Variants in THSD4 observed in about 807,000 individuals in gnomAD.
THSD4 encodes the protein thrombospondin type 1 domain containing 4, also known as thrombospondin type-1 domain-containing protein 4.
A neutral mutation model predicts 119.0 loss-of-function variants in THSD4; 69 were observed. That is an observed-to-expected ratio of 0.58 (90% CI 0.48 to 0.71). THSD4 has a LOEUF of 0.71. Ranked by LOEUF, THSD4 falls within the 30% of genes least tolerant of loss-of-function variation. The probability of loss-of-function intolerance (pLI) is 0.00; values close to 1 mark genes in which losing one functional copy is unlikely to be tolerated. For synonymous variants in THSD4, 524 were observed against 540.4 expected, an observed-to-expected ratio of 0.97 and a Z score of 0.42; for missense variants, 1,393 against 1,391.1, an observed-to-expected ratio of 1.00 and a Z score of -0.02.
At position 71,566,565 on chromosome 15, in the gene THSD4, G is replaced by A. The variant is rs1182506665; in HGVS notation, c.1153-93965G>A. Among the ~76,000 whole-genome samples the A allele has an allele frequency of 4.6e-5, 7 of 152,132 alleles. No homozygotes were observed. In the South Asian group the frequency reaches 1.0e-3, roughly 23 times the overall value. On this transcript the variant is annotated intron_variant, in intron 7 of 17. Coordinates refer to ENST00000261862, the MANE Select transcript of THSD4 (RefSeq NM_024817.3). ...ATGTTGAGTGATACCGTGCTGCCCC[G>A]AGAGTTTCTGTGCTGTAGATCCTGG...
chr15:71,285,869 A>G (rs934279516), intron 6 of THSD4, among the ~76,000 whole-genome samples: 2 of 151,170 alleles, frequency 1.3e-5, no homozygotes, highest in African/African-American at 4.8e-5. Context: ...AAAAAAAAAA[A>G]AAAAAAAAAA....
intron 6 of THSD4, among the ~76,000 whole-genome samples, chr15:71,354,658 G>T (rs1040200415): frequency 6.6e-5 from 10 of 152,192 alleles, no homozygotes; most frequent in Admixed American, 2.0e-4. Flanking sequence ...TAGCCCTGCA[G>T]TTGCTAATAA....
intron 6 of THSD4, among the ~76,000 whole-genome samples, chr15:71,310,797 G>A (rs1353505189): frequency 6.6e-6 from 1 of 152,210 alleles, no homozygotes; most frequent in Non-Finnish European, 1.5e-5. Flanking sequence ...ACCCACCTGG[G>A]AGAAGAGGGA....
intron 6 of THSD4, among the ~76,000 whole-genome samples, chr15:71,409,894 T>TTG (rs1555410972): frequency 6.6e-6 from 1 of 152,058 alleles, no homozygotes; most frequent in African/African-American, 2.4e-5. Context: ...CAGTTTTTTT[T>TTG]TTTTTGTTTT....
At chr15:71,425,469 C>T (rs1455352990) in intron 7 of THSD4, among the ~76,000 whole-genome samples, 1 of 152,218 alleles carries the variant, frequency 6.6e-6, no homozygotes, top group Non-Finnish European at 1.5e-5. Flanking sequence ...ATGAACCTCT[C>T]TTTTGACTAA....
At chr15:71,104,711 C>T (rs987159802) in intron 1 of THSD4, among the ~76,000 whole-genome samples, 3 of 151,982 alleles carry the variant, frequency 2.0e-5, no homozygotes, top group Non-Finnish European at 4.4e-5. Flanking sequence ...TGGTTCGGCC[C>T]GAAAAGGTGT....
intron 7 of THSD4, among the ~76,000 whole-genome samples, chr15:71,587,998 G>A (rs569629639): frequency 3.3e-5 from 5 of 151,946 alleles, no homozygotes; most frequent in Non-Finnish European, 7.4e-5. Flanking sequence ...TCATTGTCAA[G>A]AATCTCATTG....
At chr15:71,110,702 C>T, upstream of THSD4, 1 of 171,464 alleles carries the variant, frequency 5.8e-6, no homozygotes, top group Non-Finnish European at 1.3e-5. Flanking sequence ...CCACACAGCC[C>T]TTCTGCTCCT....
intron 8 of THSD4, among the ~76,000 whole-genome samples, chr15:71,705,508 C>G (rs555331055): frequency 1.3e-5 from 2 of 152,264 alleles, no homozygotes; most frequent in South Asian, 4.1e-4. Flanking sequence ...TCCATCATCT[C>G]CTTGCATATC....
At chr15:71,686,637 G>T (rs1051439049) in intron 8 of THSD4, among the ~76,000 whole-genome samples, 9 of 152,172 alleles carry the variant, frequency 5.9e-5, no homozygotes, top group Admixed American at 1.3e-4. Flanking sequence ...AAGAGGAGGA[G>T]TCCCTAGACC....
chr15:71,292,354 CT>C (rs2044802716), intron 6 of THSD4, among the ~76,000 whole-genome samples: 2 of 152,122 alleles, frequency 1.3e-5, no homozygotes, highest in African/African-American at 4.8e-5. Flanking sequence ...GAAACTCATG[CT>C]TGTGTAGTTT....
chr15:71,385,026 C>G (rs1161030390), intron 6 of THSD4, among the ~76,000 whole-genome samples: 8 of 152,188 alleles, frequency 5.3e-5, no homozygotes, highest in African/African-American at 1.9e-4. Flanking sequence ...TTTGCACCCC[C>G]TTCAGTAATT....
At chr15:71,328,761 A>G (rs568351405) in intron 6 of THSD4, among the ~76,000 whole-genome samples, 158 of 152,330 alleles carry the variant, frequency 1.0e-3, no homozygotes, top group African/African-American at 3.6e-3. Flanking sequence ...CATGACCCAG[A>G]ACATTTGATT....
At chr15:71,122,807 C>T (rs368761445) in intron 1 of THSD4, among the ~76,000 whole-genome samples, 14 of 152,180 alleles carry the variant, frequency 9.2e-5, no homozygotes, top group Admixed American at 7.2e-4. Context: ...ATTGGCACTA[C>T]CAACGTGAAT....
chr15:71,563,063 T>C (rs1321131459), intron 7 of THSD4, among the ~76,000 whole-genome samples: 1 of 152,168 alleles, frequency 6.6e-6, no homozygotes, highest in Non-Finnish European at 1.5e-5. Context: ...AGTTTTCCCC[T>C]ATGAACATTC....
At chr15:71,355,112 C>T (rs1371299950) in intron 6 of THSD4, among the ~76,000 whole-genome samples, 1 of 152,210 alleles carries the variant, frequency 6.6e-6, no homozygotes, top group African/African-American at 2.4e-5. Flanking sequence ...ATGTTAGAGT[C>T]TTTCGTATCC....
intron 6 of THSD4, among the ~76,000 whole-genome samples, chr15:71,368,569 A>G (rs1289314920): frequency 1.3e-5 from 2 of 152,094 alleles, no homozygotes; most frequent in Non-Finnish European, 2.9e-5. Flanking sequence ...TGTTTTTGTC[A>G]GGTTTGTCAA....
intron 7 of THSD4, among the ~76,000 whole-genome samples, chr15:71,511,410 G>A (rs2048281549): frequency 6.6e-6 from 1 of 152,148 alleles, no homozygotes; most frequent in South Asian, 2.1e-4. Context: ...CTTTTCAAAG[G>A]CCAAGGTGTT....
chr15:71,128,684 C>G (rs623354), intron 1 of THSD4, among the ~76,000 whole-genome samples: 1 of 152,102 alleles, frequency 6.6e-6, no homozygotes, highest in Non-Finnish European at 1.5e-5. Context: ...ATTCAAGAAG[C>G]TGAGCAAACC....
Sources: gnomAD v4.1 joint callset for allele counts (sites outside exome capture counted in the v4.1 genomes callset) on GRCh38, gnomAD v4.1.1 for gene constraint, MANE v1.5 for transcripts, NCBI Gene and HGNC (gene_info 2026-07-23, HGNC 2026-07-21) for gene names.